KANK1: variants seen among roughly 807,000 people sequenced by gnomAD.
The protein encoded by KANK1 is KN motif and ankyrin repeat domain-containing protein 1.
A neutral mutation model predicts 106.2 loss-of-function variants in KANK1; 109 were observed. The observed-to-expected ratio is 1.03, with a 90% CI of 0.88 to 1.20. KANK1 has a LOEUF of 1.20. KANK1 is among the 50% of genes most tolerant of loss of function. The pLI is 0.00. For missense variants in KANK1, 2,399 were observed against 1,710.7 expected (o/e 1.40, Z -7.10); for synonymous variants, 873 against 652.2 (o/e 1.34, Z -5.16).
chr9:616,611 C>G (rs886977029), intron 1 of KANK1, among the ~76,000 whole-genome samples: 1 of 152,176 alleles, frequency 6.6e-6, no homozygotes, highest in Non-Finnish European at 1.5e-5. Flanking sequence ...TACTAAGTGT[C>G]CTTTCTAAGC....
upstream of KANK1, among the ~76,000 whole-genome samples, chr9:504,526 C>T (rs1013656047): frequency 4.6e-5 from 7 of 151,746 alleles, no homozygotes; most frequent in East Asian, 1.2e-3. Context: ...CCGCGCCGTT[C>T]TTCTCACGCG....
chr9:506,550 G>A (rs187006282), intron 1 of KANK1, among the ~76,000 whole-genome samples: 388 of 152,108 alleles, frequency 2.6e-3, no homozygotes, highest in Non-Finnish European at 4.5e-3. Flanking sequence ...GTGTGTGTGC[G>A]TGTGCGTGCG....
At chr9:521,276 C>G (rs537456369) in intron 1 of KANK1, among the ~76,000 whole-genome samples, 16 of 151,774 alleles carry the variant, frequency 1.1e-4, no homozygotes, top group African/African-American at 3.9e-4. Flanking sequence ...CATGTTCACC[C>G]TCACACTCCT....
chr9:641,481 T>A (rs1838417794), intron 1 of KANK1, among the ~76,000 whole-genome samples: 1 of 152,152 alleles, frequency 6.6e-6, no homozygotes, highest in Non-Finnish European at 1.5e-5. Context: ...TAAGATCATC[T>A]CCACCACCAT....
chr9:595,415 A>G (rs939998768), intron 1 of KANK1, among the ~76,000 whole-genome samples: 1 of 151,950 alleles, frequency 6.6e-6, no homozygotes, highest in Non-Finnish European at 1.5e-5. Flanking sequence ...CTTCAGCTCC[A>G]AACTTGAGCG....
chr9:582,146 C>T (rs1286983307), intron 1 of KANK1, among the ~76,000 whole-genome samples: 3 of 152,196 alleles, frequency 2.0e-5, no homozygotes, highest in African/African-American at 4.8e-5. Context: ...CACCTAGCAG[C>T]AGTCTCCTGT....
intron 1 of KANK1, among the ~76,000 whole-genome samples, chr9:597,201 CT>C (rs373893082): frequency 4.0e-5 from 6 of 151,854 alleles, no homozygotes; most frequent in African/African-American, 1.5e-4. Flanking sequence ...TGTGTAAGTA[CT>C]TGAGTCCCTG....
intron 1 of KANK1, among the ~76,000 whole-genome samples, chr9:547,130 C>T (rs1206672740): frequency 6.6e-6 from 1 of 152,192 alleles, no homozygotes; most frequent in Non-Finnish European, 1.5e-5. Flanking sequence ...TTTCAGCCTT[C>T]TCACATTGCA....
intron 1 of KANK1, among the ~76,000 whole-genome samples, chr9:511,071 G>A (rs1258159862): frequency 1.3e-5 from 2 of 152,154 alleles, no homozygotes; most frequent in African/African-American, 4.8e-5. Context: ...TAGGCAAAAT[G>A]TTAGAAATAC....
At chr9:670,286 CTG>C (rs1845579603) in intron 1 of KANK1, among the ~76,000 whole-genome samples, 3 of 152,238 alleles carry the variant, frequency 2.0e-5, no homozygotes, top group Non-Finnish European at 4.4e-5. Flanking sequence ...GGATATATGT[CTG>C]TGTCTTTGCA....
chr9:659,399 C>G (rs1842822379), intron 1 of KANK1, among the ~76,000 whole-genome samples: 1 of 152,116 alleles, frequency 6.6e-6, no homozygotes, highest in African/African-American at 2.4e-5. Flanking sequence ...GGGCCCCAAA[C>G]CCAGAGTTCC....
intron 7 of KANK1, among the ~76,000 whole-genome samples, chr9:736,575 C>G (rs1429943935): frequency 2.6e-5 from 4 of 152,002 alleles, no homozygotes; most frequent in Admixed American, 2.6e-4. Context: ...GGCATGTACC[C>G]ATGGTCCTAG....
upstream of KANK1, among the ~76,000 whole-genome samples, chr9:502,335 A>T (rs1259599779): frequency 6.6e-6 from 1 of 152,192 alleles, no homozygotes; most frequent in Non-Finnish European, 1.5e-5. Flanking sequence ...ATGGCATGTG[A>T]ATTGTATGTC....
At chr9:472,848 C>G (rs1055458835) in intron 2 of KANK1, among the ~76,000 whole-genome samples, 1 of 152,176 alleles carries the variant, frequency 6.6e-6, no homozygotes, top group African/African-American at 2.4e-5. Flanking sequence ...ATGAGTGATG[C>G]TATCTTGGAT....
At chr9:738,545 C>A in intron 8 of KANK1, 41 bp downstream of exon 8, 2 of 1,517,044 alleles carry the variant, frequency 1.3e-6, no homozygotes, top group Non-Finnish European at 1.8e-6. Context: ...TCTAACAGTA[C>A]TTGGGTTGTG....
chr9:565,491 G>C (rs1262271037), intron 1 of KANK1, among the ~76,000 whole-genome samples: 1 of 152,242 alleles, frequency 6.6e-6, no homozygotes, highest in South Asian at 2.1e-4. Flanking sequence ...AGCCGCATGG[G>C]AGATGGAGTT....
intron 3 of KANK1, among the ~76,000 whole-genome samples, chr9:719,711 C>G (rs1166176226): frequency 6.6e-6 from 1 of 152,102 alleles, no homozygotes; most frequent in African/African-American, 2.4e-5. Context: ...GAATTGATCT[C>G]TTTAAAACCC....
intron 3 of KANK1, among the ~76,000 whole-genome samples, 194 bp downstream of exon 3, chr9:713,658 G>T (rs751315269): frequency 7.9e-5 from 12 of 152,190 alleles, no homozygotes; most frequent in Non-Finnish European, 1.0e-4. Context: ...TTATCTGGTA[G>T]CCTCACTGGC....
chr9:717,498 C>T (rs996223932), intron 3 of KANK1, among the ~76,000 whole-genome samples: 3 of 152,006 alleles, frequency 2.0e-5, no homozygotes, highest in African/African-American at 4.8e-5. Flanking sequence ...TAAAAGGTCA[C>T]GAACATTTTT....
Sources: gnomAD v4.1 joint callset for allele counts (sites outside exome capture counted in the v4.1 genomes callset) on GRCh38, gnomAD v4.1.1 for gene constraint, MANE v1.5 for transcripts, NCBI Gene and HGNC (gene_info 2026-07-23, HGNC 2026-07-21) for gene names.